EPS8: variants seen among roughly 807,000 people sequenced by gnomAD.
EPS8 encodes EGFR pathway substrate 8, signaling adaptor, also known as epidermal growth factor receptor kinase substrate 8.
A neutral mutation model predicts 103.8 loss-of-function variants in EPS8; 42 were observed. That is an observed-to-expected ratio of 0.40 (90% CI 0.32 to 0.52). The LOEUF is 0.52. Among genes scored for constraint, EPS8 ranks in the 20% least tolerant of loss-of-function variants. The pLI is 0.40. For missense variants in EPS8, 969 were observed against 1,005.1 expected (o/e 0.96, Z 0.49); for synonymous variants, 344 against 344.6 (o/e 1.00, Z 0.02).
intron 3 of EPS8, among the ~76,000 whole-genome samples, chr12:15,677,813 T>C (rs370993503): frequency 1.3e-5 from 2 of 152,118 alleles, no homozygotes; most frequent in East Asian, 1.9e-4. Flanking sequence ...GTGCCCTCCC[T>C]CTGAGAGTTC....
chr12:15,769,598 A>T lies in EPS8; in HGVS notation c.-22+19563T>A, dbSNP rs757095265. Among the ~76,000 whole-genome samples, 1 of 152,210 alleles carries T rather than the reference A, an allele frequency of 6.6e-6. No individual in the cohort carries two copies. Among genetic ancestry groups the T allele is most frequent in the Non-Finnish European group, 1.5e-5 (1 of 68,032 alleles). ...AAAGCAAAACATTTAAGATGTTAAG[A>T]TATAAGATGTATTTATGATTTAAAA... On this transcript the variant is annotated intron_variant, in intron 1 of 20. Coordinates refer to ENST00000281172, the MANE Select transcript of EPS8 (RefSeq NM_004447.6). This position sits in a 1 kb window ranked among gnomAD's most constrained non-coding sequence, Gnocchi z 4.6.
intron 10 of EPS8, 98 bp downstream of exon 10, chr12:15,660,516 G>A (rs1945587409): frequency 8.2e-6 from 6 of 729,412 alleles, no homozygotes; most frequent in South Asian, 3.0e-5. Flanking sequence ...CACCCGCCTC[G>A]GCCTCCCAAA....
intron 18 of EPS8, among the ~76,000 whole-genome samples, chr12:15,630,487 T>C (rs761661803): frequency 3.3e-5 from 5 of 152,164 alleles, no homozygotes; most frequent in Non-Finnish European, 5.9e-5. Context: ...TAATCCAAAG[T>C]TGGTCATAGT....
rs907366976 is a variant in EPS8, at chr12:15,778,583, A to C, written c.-22+10578T>G. On this transcript the variant is annotated intron_variant, in intron 1 of 20. Coordinates refer to ENST00000281172, the MANE Select transcript of EPS8 (RefSeq NM_004447.6). This position sits in a 1 kb window ranked among gnomAD's most constrained non-coding sequence, Gnocchi z 4.5. ...AATACAGATAAACACTAAAACAGTA[A>C]GGACAACTCAATCTGAAGATAGGGT... is the stretch of plus-strand genomic sequence containing the variant. 6.6e-6 allele frequency among the ~76,000 whole-genome samples: 1 copy of C among 152,248 alleles called. No individual in the cohort carries two copies. The highest frequency in any genetic ancestry group is 1.5e-5 in the Non-Finnish European group (1 of 68,040).
chr12:15,705,692 A>T (rs2135946786), intron 1 of EPS8, among the ~76,000 whole-genome samples: 1 of 152,340 alleles, frequency 6.6e-6, no homozygotes, highest in East Asian at 1.9e-4. Context: ...TTAAAAAGTT[A>T]TTGACATTTT....
intron 4 of EPS8, among the ~76,000 whole-genome samples, chr12:15,670,178 T>C (rs1268823269): frequency 1.3e-5 from 2 of 152,186 alleles, no homozygotes; most frequent in African/African-American, 4.8e-5. Context: ...ATTTAAATGC[T>C]GAACATAGCA....
chr12:15,659,926 A>G (rs1205464815), intron 10 of EPS8, among the ~76,000 whole-genome samples: 2 of 152,196 alleles, frequency 1.3e-5, no homozygotes, highest in African/African-American at 2.4e-5. Context: ...TAGTAAGTCA[A>G]CCCTTTTATT....
chr12:15,637,847 C>A (rs1393485194), intron 17 of EPS8, among the ~76,000 whole-genome samples: 1 of 152,178 alleles, frequency 6.6e-6, no homozygotes, highest in African/African-American at 2.4e-5. Context: ...AAAGCCATGG[C>A]AGATGACCTG....
intron 16 of EPS8, 124 bp from the exon 17 acceptor site, chr12:15,640,970 G>T: frequency 1.3e-6 from 1 of 744,132 alleles, no homozygotes; most frequent in Non-Finnish European, 2.2e-6. Context: ...TCAACATAGT[G>T]TTGATTGAAT....
At chr12:15,628,267 A>G (rs1944983741) in intron 18 of EPS8, among the ~76,000 whole-genome samples, 1 of 152,200 alleles carries the variant, frequency 6.6e-6, no homozygotes, top group African/African-American at 2.4e-5. Flanking sequence ...AAAATGTATC[A>G]CCACACTAAA....
chr12:15,643,739 C>T (rs1426446323), intron 15 of EPS8, among the ~76,000 whole-genome samples: 4 of 35,686 alleles, frequency 1.1e-4, no homozygotes, highest in East Asian at 8.8e-4. Flanking sequence ...AACTCTGTCT[C>T]GAAAAAAAAA....
intron 1 of EPS8, among the ~76,000 whole-genome samples, chr12:15,707,212 G>T (rs187330490): frequency 6.6e-6 from 1 of 152,266 alleles, no homozygotes; most frequent in Admixed American, 6.5e-5. Flanking sequence ...GTCAGGGGTT[G>T]ACAAACTTTC....
intron 7 of EPS8, 125 bp downstream of exon 7, chr12:15,666,315 C>T: frequency 5.9e-6 from 4 of 678,850 alleles, no homozygotes; most frequent in Non-Finnish European, 7.3e-6. Context: ...TGTGTTGAGA[C>T]TACAGGTTAT....
rs2136041210 is a variant in EPS8, at chr12:15,769,540, A to C, written c.-22+19621T>G. On this transcript the variant is annotated intron_variant, in intron 1 of 20. Coordinates refer to ENST00000281172, the MANE Select transcript of EPS8 (RefSeq NM_004447.6). This position sits in a 1 kb window ranked among gnomAD's most constrained non-coding sequence, Gnocchi z 4.6. ...TCTTGTTGGCAAATATTAAGAAAAA[A>C]CATTTTCACAGAAATATCTTGAGTA... Among the ~76,000 whole-genome samples, 1 of 152,336 alleles carries C rather than the reference A, an allele frequency of 6.6e-6. No homozygotes were observed. Among genetic ancestry groups the C allele is most frequent in the East Asian group, 1.9e-4 (1 of 5,196 alleles).
intron 17 of EPS8, among the ~76,000 whole-genome samples, chr12:15,635,297 T>C (rs1945115413): frequency 6.6e-6 from 1 of 152,190 alleles, no homozygotes; most frequent in Non-Finnish European, 1.5e-5. Context: ...TATATATATT[T>C]ATAGTGGGTA....
intron 13 of EPS8, among the ~76,000 whole-genome samples, chr12:15,651,827 T>C (rs1286190884): frequency 2.0e-5 from 3 of 152,216 alleles, no homozygotes; most frequent in African/African-American, 7.2e-5. Context: ...TATGAGTTTT[T>C]AAATCAGTCA....
intron 12 of EPS8, among the ~76,000 whole-genome samples, chr12:15,657,485 A>T (rs1945527990): frequency 6.6e-6 from 1 of 152,198 alleles, no homozygotes; most frequent in Non-Finnish European, 1.5e-5. Flanking sequence ...TATTTAGGTT[A>T]TTGGCTACCC....
chr12:15,684,563 G>C lies in EPS8; in HGVS notation c.-21-1591C>G, dbSNP rs781229393. Among the ~76,000 whole-genome samples the C allele has an allele frequency of 1.3e-5, 2 of 152,122 alleles. No individual in the cohort carries two copies. Among genetic ancestry groups the C allele is most frequent in the African/African-American group, 2.4e-5 (1 of 41,420 alleles). On this transcript the variant is annotated intron_variant, in intron 1 of 20. Transcript: ENST00000281172. This position sits in a 1 kb window ranked among gnomAD's most constrained non-coding sequence, Gnocchi z 4.9. ...AAATCCATGTCCCACTCTTCAAAGAGTTTATTGTATTCTTAGGGAAACAAA... is the reference window on the plus strand; with the variant it reads ...AAATCCATGTCCCACTCTTCAAAGACTTTATTGTATTCTTAGGGAAACAAA...
At chr12:15,740,201 G>C (rs1476303371) in intron 1 of EPS8, among the ~76,000 whole-genome samples, 3 of 152,056 alleles carry the variant, frequency 2.0e-5, no homozygotes, top group African/African-American at 7.2e-5. Flanking sequence ...AATCTTTATA[G>C]GGCTTAAAAA....
Sources: gnomAD v4.1 joint callset for allele counts (sites outside exome capture counted in the v4.1 genomes callset) on GRCh38, gnomAD v4.1.1 for gene constraint, Gnocchi (gnomAD v3.1) non-coding constraint, MANE v1.5 for transcripts, NCBI Gene and HGNC (gene_info 2026-07-23, HGNC 2026-07-21) for gene names.